DBNL: variants seen among roughly 807,000 people sequenced by gnomAD.
DBNL encodes the protein drebrin-like protein.
A neutral mutation model predicts 62.2 loss-of-function variants in DBNL; 35 were observed. The ratio of observed to expected loss-of-function variants is 0.56; its 90% CI spans 0.43 to 0.75. The LOEUF (loss-of-function observed/expected upper bound fraction) is 0.75. DBNL is among the 30% of genes least tolerant of loss of function. The pLI is 0.00. For missense variants in DBNL, 495 were observed against 578.4 expected (o/e 0.86, Z 1.48); for synonymous variants, 197 against 218.0 (o/e 0.90, Z 0.85).
At position 44,063,348 on chromosome 7, in the gene DBNL, GA is replaced by G. The variant is rs1485640788; in HGVS notation, c.*2433del. The G allele has an allele frequency of 1.1e-5, 3 of 271,834 alleles. No homozygotes were observed. The highest frequency in any genetic ancestry group is 2.2e-5 in the Non-Finnish European group (3 of 138,734). The allele number at this position is 271,834 out of a possible 1,614,324, so 16.8% of individuals were successfully genotyped here. On this transcript the variant is annotated 3_prime_UTR_variant, in exon 13 of 13. Coordinates refer to ENST00000448521, the MANE Select transcript of DBNL (RefSeq NM_001014436.3). Reference sequence around the variant, plus strand: ...TGCCCAGGCTGGAGTGCAGTGGCACGATCTTGGCTCACTGCAACCTCCATCT... The same window carrying G: ...TGCCCAGGCTGGAGTGCAGTGGCACGTCTTGGCTCACTGCAACCTCCATCT...
rs1214205182 is a variant in DBNL, at chr7:44,056,890, C to G, written c.461C>G (p.Pro154Arg). The G allele has an allele frequency of 6.2e-6, 10 of 1,613,932 alleles. No homozygotes were observed. Among genetic ancestry groups the G allele is most frequent in the Non-Finnish European group, 8.5e-6 (10 of 1,180,014 alleles). Residue 154 changes from proline (P) to arginine (R), a missense_variant, in exon 5 of 13, where the codon CCC becomes CGC. Transcript: ENST00000448521. The stretch of plus-strand genomic sequence containing the variant: ...AGTGGCCGCTTCCAGGACGTGGGAC[C>G]CCAGGCCCCAGTGGTGAGTGCTGCT... ...KESGRFQDVG[P>R]QAPVGSVYQK...
chr7:44,065,651 G>A lies in DBNL; in HGVS notation c.*4735G>A, dbSNP rs768335587. 4.7e-5 allele frequency: 45 copies of A among 956,968 alleles called. No homozygotes were observed. Among genetic ancestry groups the A allele is most frequent in the Non-Finnish European group, 6.5e-5 (40 of 614,162 alleles). The allele number at this position is 956,968 out of a possible 1,614,324, so 59.3% of individuals were successfully genotyped here. On this transcript the variant is annotated 3_prime_UTR_variant, in exon 13 of 13. Transcript: ENST00000448521. ...AGCCAACTGCCAATCAGCATTCCAG[G>A]CGGTGGCAGGTGACCAGTAGCTGAG...
At chr7:44,058,860 A>G (rs778062919) in intron 8 of DBNL, 42 bp from the exon 9 acceptor site, 1 of 1,612,570 alleles carries the variant, frequency 6.2e-7, no homozygotes, top group Non-Finnish European at 8.5e-7. Context: ...GAGGTGGTGA[A>G]GGTTTTGCCC....
Position 44,064,429 on chromosome 7 carries a change from G to C in DBNL, c.*3513G>C, listed in dbSNP as rs1758819203. 5 of 303,052 alleles carry C rather than the reference G, an allele frequency of 1.6e-5. No individual in the cohort carries two copies. Among genetic ancestry groups the C allele is most frequent in the South Asian group, 1.2e-4 (4 of 32,556 alleles). The allele number at this position is 303,052 out of a possible 1,614,324, so 18.8% of individuals were successfully genotyped here. On this transcript the variant is annotated 3_prime_UTR_variant, in exon 13 of 13. Coordinates refer to ENST00000448521, the MANE Select transcript of DBNL (RefSeq NM_001014436.3). Reference sequence around the variant, plus strand: ...TACATCAAGAGGAATTCAGTACCAGGGGGAGCTCCCCACCACCCCGGAAAA... The same window carrying C: ...TACATCAAGAGGAATTCAGTACCAGCGGGAGCTCCCCACCACCCCGGAAAA...
In DBNL at chr7:44,060,678, G is replaced by T; in HGVS notation, c.1154-99G>T. ...TCTGAGGAGGAACCAGAGCTGCAGC[G>T]AGGTGTGCTGCAGCAGTGTGGGGCT... On this transcript the variant is annotated intron_variant, in intron 12 of 12. Coordinates refer to ENST00000448521, the MANE Select transcript of DBNL (RefSeq NM_001014436.3). This position sits in a 1 kb window ranked among gnomAD's most constrained non-coding sequence, Gnocchi z 6.3. The T allele has an allele frequency of 5.4e-6, 8 of 1,483,010 alleles. No homozygotes were observed. Among genetic ancestry groups the T allele is most frequent in the Non-Finnish European group, 7.3e-6 (8 of 1,093,288 alleles). The allele number at this position is 1,483,010 out of a possible 1,614,324, so 91.9% of individuals were successfully genotyped here.
intron 4 of DBNL, among the ~76,000 whole-genome samples, chr7:44,054,388 T>G (rs2096132264): frequency 6.6e-6 from 1 of 152,152 alleles, no homozygotes; most frequent in Non-Finnish European, 1.5e-5. Context: ...AGATGGTGTT[T>G]CCCTGTGTTG....
chr7:44,054,504 T>C (rs776503025), intron 4 of DBNL, among the ~76,000 whole-genome samples: 6 of 152,212 alleles, frequency 3.9e-5, no homozygotes, highest in Non-Finnish European at 7.3e-5. Flanking sequence ...AGAGTTTTTA[T>C]AAATTGATAT....
At chr7:44,058,799 C>A in intron 8 of DBNL, 103 bp from the exon 9 acceptor site, 1 of 1,337,382 alleles carries the variant, frequency 7.5e-7, no homozygotes, top group African/African-American at 1.4e-5. Context: ...GCCCCACACT[C>A]ACCTTTGAGG....
At position 44,044,919 on chromosome 7, in the gene DBNL, C is replaced by T. The variant is rs568372193; in HGVS notation, c.83+99C>T. Reference sequence around the variant, plus strand: ...CTCGGGGGGAGCGGGAGCGCGAGCGCGGAGCGGTGCCCAGGCAGGTGGCCT... The same window carrying T: ...CTCGGGGGGAGCGGGAGCGCGAGCGTGGAGCGGTGCCCAGGCAGGTGGCCT... On this transcript the variant is annotated intron_variant, in intron 1 of 12. Transcript: ENST00000448521. 6.5e-6 allele frequency: 8 copies of T among 1,228,800 alleles called. No homozygotes were observed. The South Asian group carries it at 1.3e-4, about 19-fold the overall frequency. The allele number at this position is 1,228,800 out of a possible 1,614,324, so 76.1% of individuals were successfully genotyped here.
intron 5 of DBNL, among the ~76,000 whole-genome samples, chr7:44,057,548 T>G (rs113516590): frequency 6.6e-6 from 1 of 152,228 alleles, no homozygotes; most frequent in African/African-American, 2.4e-5. Flanking sequence ...GAGACCCCTC[T>G]AGTGTTGTCT....
In DBNL at chr7:44,065,185, C is replaced by T. The variant is rs772891055; in HGVS notation, c.*4269C>T. On this transcript the variant is annotated 3_prime_UTR_variant, in exon 13 of 13. Transcript: ENST00000448521. Reference sequence around the variant, plus strand: ...GCGGCGGGATGTCGAAGGAGCGCCTCCAGATCTTCACCTGCTCCTCCCCGT... The same window carrying T: ...GCGGCGGGATGTCGAAGGAGCGCCTTCAGATCTTCACCTGCTCCTCCCCGT... 2 of 1,613,990 alleles carry T rather than the reference C, an allele frequency of 1.2e-6. No homozygotes were observed. Among genetic ancestry groups the T allele is most frequent in the Non-Finnish European group, 1.7e-6 (2 of 1,180,044 alleles).
Position 44,068,158 on chromosome 7 carries a change from G to C in DBNL, c.*7242G>C, listed in dbSNP as rs960078089. 1.2e-4 allele frequency: 19 copies of C among 152,214 alleles called. No individual in the cohort carries two copies. Among genetic ancestry groups the C allele is most frequent in the African/African-American group, 4.3e-4 (18 of 41,428 alleles). 9.4% of individuals were successfully genotyped at this position (152,214 alleles called of 1,614,324 possible). A position where few individuals can be genotyped will look rare whatever the true frequency, so the allele number is the denominator to read the frequency against. On this transcript the variant is annotated 3_prime_UTR_variant, in exon 13 of 13. Transcript: ENST00000448521. The stretch of plus-strand genomic sequence containing the variant: ...GAGGAGCCATGGCCCCAAAAGCATG[G>C]GGCAACCACCTTCTGCAGCTCCTTT...
Position 44,065,647 on chromosome 7 carries a change from C to G in DBNL, c.*4731C>G. On this transcript the variant is annotated 3_prime_UTR_variant, in exon 13 of 13. Transcript: ENST00000448521. Reference sequence around the variant, plus strand: ...CCCCAGCCAACTGCCAATCAGCATTCCAGGCGGTGGCAGGTGACCAGTAGC... The same window carrying G: ...CCCCAGCCAACTGCCAATCAGCATTGCAGGCGGTGGCAGGTGACCAGTAGC... 2.0e-6 allele frequency: 2 copies of G among 1,007,560 alleles called. No homozygotes were observed. Among genetic ancestry groups the G allele is most frequent in the Non-Finnish European group, 1.5e-6 (1 of 657,762 alleles). 62.4% of individuals were successfully genotyped at this position (1,007,560 alleles called of 1,614,324 possible). A position where few individuals can be genotyped will look rare whatever the true frequency, so the allele number is the denominator to read the frequency against.
rs764628865 is a variant in DBNL at position 44,059,028 on chromosome 7, A to AG, written c.835+50dup. 8.1e-6 allele frequency: 13 copies of AG among 1,602,192 alleles called. No homozygotes were observed. The highest frequency in any genetic ancestry group is 1.7e-5 in the Admixed American group (1 of 59,788). ...CTGGCCATGAGGCAGCAGCAGGCTG[A>AG]GGGGGAGCCTGGGGTCCTATGTGGG... On this transcript the variant is annotated intron_variant, in intron 9 of 12. Transcript: ENST00000448521. The surrounding 1 kb of genome is among the most constrained non-coding windows in gnomAD (Gnocchi z 4.1).
At chr7:44,048,848 G>GTTTTGT (rs902980168) in intron 1 of DBNL, among the ~76,000 whole-genome samples, 2 of 152,152 alleles carry the variant, frequency 1.3e-5, no homozygotes, top group African/African-American at 4.8e-5. Flanking sequence ...CTTTACCAGA[G>GTTTTGT]TTTTGTTTTT....
rs545000972 is a variant in DBNL, at chr7:44,067,393, T to C, written c.*6477T>C. 1 of 152,204 alleles carries C rather than the reference T, an allele frequency of 6.6e-6. No individual in the cohort carries two copies. The highest frequency in any genetic ancestry group is 1.5e-5 in the Non-Finnish European group (1 of 68,024). The allele number at this position is 152,204 out of a possible 1,614,324, so 9.4% of individuals were successfully genotyped here. A position where few individuals can be genotyped will look rare whatever the true frequency, so the allele number is the denominator to read the frequency against. ...GAGTACCCTGCAGGTCTCGGCAGCT[T>C]TGATGAGAACAAGGCCGCTTAGCCA... On this transcript the variant is annotated 3_prime_UTR_variant, in exon 13 of 13. Transcript: ENST00000448521.
chr7:44,058,512 T>C, intron 8 of DBNL, 32 bp downstream of exon 8: 1 of 1,612,326 alleles, frequency 6.2e-7, no homozygotes, highest in Non-Finnish European at 8.5e-7. Context: ...TGTTTGGACC[T>C]GTCCTGGCCA....
At chr7:44,058,015 T>TA in intron 6 of DBNL, 114 bp from the exon 7 acceptor site, 1 of 1,521,642 alleles carries the variant, frequency 6.6e-7, no homozygotes, top group African/African-American at 1.4e-5. Context: ...ACAAGGCTAA[T>TA]GATCGACTGG....
At chr7:44,046,115 CT>C (rs944727043) in intron 1 of DBNL, among the ~76,000 whole-genome samples, 2 of 152,156 alleles carry the variant, frequency 1.3e-5, no homozygotes, top group African/African-American at 4.8e-5. Flanking sequence ...TCTCTTAGAC[CT>C]CTCCTGTTAC....
Sources: allele counts gnomAD v4.1 joint callset (sites outside exome capture counted in the v4.1 genomes callset), GRCh38; gene constraint gnomAD v4.1.1; non-coding constraint Gnocchi (gnomAD v3.1); transcripts MANE v1.5; gene names NCBI Gene and HGNC (gene_info 2026-07-23, HGNC 2026-07-21).